The following STAG1 variants were observed in gnomAD, a reference collection of about 807,000 sequenced individuals.
The protein encoded by STAG1 is cohesin subunit SA-1.
STAG1 carries 26 observed loss-of-function variants against 170.9 expected under a neutral mutation model. The ratio of observed to expected loss-of-function variants is 0.15; its 90% CI spans 0.11 to 0.21. The LOEUF (loss-of-function observed/expected upper bound fraction) is 0.21. STAG1 is among the 10% of genes least tolerant of loss of function. The pLI is 1.00. For missense variants in STAG1, 964 were observed against 1,509.5 expected, an observed-to-expected ratio of 0.64 and a Z score of 5.99; for synonymous variants, 514 against 497.7, an observed-to-expected ratio of 1.03 and a Z score of -0.44.
chr3:136,581,912 C>T (rs1436102499), intron 4 of STAG1, among the ~76,000 whole-genome samples: 1 of 152,002 alleles, frequency 6.6e-6, no homozygotes, highest in African/African-American at 2.4e-5. Flanking sequence ...AACAAAACAC[C>T]AGGAACCAAA....
intron 1 of STAG1, among the ~76,000 whole-genome samples, chr3:136,751,553 G>A (rs1046302310): frequency 1.3e-5 from 2 of 152,098 alleles, no homozygotes. Flanking sequence ...TGAGAGGGCA[G>A]ATAGCTGGAA....
chr3:136,355,645 G>T (rs765662878), intron 28 of STAG1, among the ~76,000 whole-genome samples: 1 of 152,004 alleles, frequency 6.6e-6, no homozygotes, highest in Non-Finnish European at 1.5e-5. Flanking sequence ...TTTGTCAACT[G>T]ATACATGGAA....
At chr3:136,393,195 A>G (rs931861085) in intron 22 of STAG1, among the ~76,000 whole-genome samples, 4 of 152,226 alleles carry the variant, frequency 2.6e-5, no homozygotes, top group Non-Finnish European at 5.9e-5. Flanking sequence ...TACATTTAAC[A>G]TATATAAAAA....
Position 136,337,655 on chromosome 3 carries a change from G to A in STAG1, c.*599C>T, listed in dbSNP as rs1321366480. 1 of 152,590 alleles carries A rather than the reference G, an allele frequency of 6.6e-6. No homozygotes were observed. The highest frequency in any genetic ancestry group is 1.5e-5 in the Non-Finnish European group (1 of 68,030). The allele number at this position is 152,590 out of a possible 1,614,324, so 9.5% of individuals were successfully genotyped here. ...ATCCACAGAGGGTGTGTGGTTTTTG[G>A]CAGAGATGTACTATGTCAGAATTTC... On this transcript the variant is annotated 3_prime_UTR_variant, in exon 34 of 34. Coordinates refer to ENST00000383202, the MANE Select transcript of STAG1 (RefSeq NM_005862.3).
intron 21 of STAG1, among the ~76,000 whole-genome samples, chr3:136,400,681 G>T (rs541337096): frequency 1.3e-5 from 2 of 151,878 alleles, no homozygotes; most frequent in Non-Finnish European, 2.9e-5. Context: ...GATTACAGGC[G>T]CCTGCCACCA....
At chr3:136,348,944 C>T in intron 29 of STAG1, 1 of 565,492 alleles carries the variant, frequency 1.8e-6, no homozygotes, top group Non-Finnish European at 3.1e-6. Flanking sequence ...GGGCTGTCTT[C>T]CTTTGTGCTC....
intron 26 of STAG1, among the ~76,000 whole-genome samples, chr3:136,360,467 G>C (rs1423215607): frequency 6.6e-6 from 1 of 152,014 alleles, no homozygotes; most frequent in African/African-American, 2.4e-5. Flanking sequence ...AAGTATTGTT[G>C]ACATTTCTTT....
intron 1 of STAG1, among the ~76,000 whole-genome samples, chr3:136,725,282 G>GTGTC (rs1456036183): frequency 6.6e-6 from 1 of 150,388 alleles, no homozygotes; most frequent in Non-Finnish European, 1.5e-5. Context: ...TTATACGGGT[G>GTGTC]TGTGTGTGTG....
At chr3:136,411,901 C>G (rs1394056608) in intron 21 of STAG1, among the ~76,000 whole-genome samples, 1 of 150,422 alleles carries the variant, frequency 6.6e-6, no homozygotes, top group Admixed American at 6.6e-5. Context: ...GCCAAGATCA[C>G]AAAAGCCTCC....
At chr3:136,468,605 T>C (rs1416773453) in intron 12 of STAG1, among the ~76,000 whole-genome samples, 1 of 152,228 alleles carries the variant, frequency 6.6e-6, no homozygotes, top group Non-Finnish European at 1.5e-5. Flanking sequence ...CCATTCCTTC[T>C]GAAACTATTC....
chr3:136,465,628 A>G (rs1384860957), intron 12 of STAG1, among the ~76,000 whole-genome samples: 1 of 150,082 alleles, frequency 6.7e-6, no homozygotes, highest in East Asian at 1.9e-4. Flanking sequence ...TGCAGGTTAT[A>G]TAATAATATA....
intron 6 of STAG1, among the ~76,000 whole-genome samples, chr3:136,538,900 C>T (rs529450765): frequency 6.4e-4 from 97 of 152,030 alleles, no homozygotes; most frequent in African/African-American, 2.2e-3. Context: ...TTTGGGAGGC[C>T]GAGGCAGGTG....
chr3:136,488,146 G>A (rs965957264), intron 9 of STAG1, among the ~76,000 whole-genome samples: 6 of 152,136 alleles, frequency 3.9e-5, no homozygotes, highest in Non-Finnish European at 5.9e-5. Flanking sequence ...TTTTTGAGAC[G>A]GAGTCTCATT....
intron 3 of STAG1, among the ~76,000 whole-genome samples, chr3:136,611,289 A>T (rs1358515608): frequency 6.6e-6 from 1 of 151,828 alleles, no homozygotes; most frequent in Non-Finnish European, 1.5e-5. Context: ...AGCTGGGATT[A>T]CAAGCATGCG....
intron 1 of STAG1, among the ~76,000 whole-genome samples, chr3:136,647,423 G>C (rs1000900782): frequency 5.3e-5 from 8 of 152,164 alleles, no homozygotes; most frequent in African/African-American, 1.9e-4. Context: ...TACAAAATTA[G>C]CCGGGCCTGG....
At chr3:136,462,585 G>C (rs1388660611) in intron 13 of STAG1, among the ~76,000 whole-genome samples, 1 of 152,100 alleles carries the variant, frequency 6.6e-6, no homozygotes, top group Non-Finnish European at 1.5e-5. Context: ...GAAGAAATAA[G>C]TTTTAGTGTT....
intron 1 of STAG1, among the ~76,000 whole-genome samples, chr3:136,734,558 CAT>C (rs1294235643): frequency 6.6e-6 from 1 of 152,190 alleles, no homozygotes; most frequent in Admixed American, 6.5e-5. Context: ...TTTCCTGACA[CAT>C]AAAAAGGATC....
chr3:136,551,165 C>CTTTT (rs750035148), intron 5 of STAG1, among the ~76,000 whole-genome samples: 3 of 79,122 alleles, frequency 3.8e-5, no homozygotes, highest in African/African-American at 1.5e-4. Context: ...TTTTTAACTC[C>CTTTT]TTTTTTTTTT....
intron 4 of STAG1, among the ~76,000 whole-genome samples, chr3:136,598,429 T>A (rs1201075098): frequency 6.6e-6 from 1 of 151,782 alleles, no homozygotes; most frequent in East Asian, 1.9e-4. Context: ...AACCTTTTTT[T>A]TTTTTCTTTT....
Sources: gnomAD v4.1 joint callset for allele counts (sites outside exome capture counted in the v4.1 genomes callset) on GRCh38, gnomAD v4.1.1 for gene constraint, MANE v1.5 for transcripts, NCBI Gene and HGNC (gene_info 2026-07-23, HGNC 2026-07-21) for gene names.